CTNNA3: variants seen among roughly 807,000 people sequenced by gnomAD.
The protein encoded by CTNNA3 is catenin alpha-3.
A neutral mutation model predicts 95.7 loss-of-function variants in CTNNA3; 76 were observed. That is an observed-to-expected ratio of 0.79 (90% CI 0.66 to 0.96). CTNNA3 has a LOEUF of 0.96. CTNNA3 is among the 40% of genes least tolerant of loss of function. The pLI, the probability that CTNNA3 is intolerant of heterozygous loss-of-function variation, is 0.00. For synonymous variants in CTNNA3, 431 were observed against 374.4 expected (o/e 1.15, Z -1.74); for missense variants, 1,191 against 1,089.8 (o/e 1.09, Z -1.31).
intron 12 of CTNNA3, among the ~76,000 whole-genome samples, chr10:66,369,935 G>A (rs1182719069): frequency 2.0e-5 from 3 of 151,996 alleles, no homozygotes; most frequent in Non-Finnish European, 2.9e-5. Context: ...CTACATCTGA[G>A]GAATCACATA....
At chr10:67,045,024 A>G (rs1423963254) in intron 7 of CTNNA3, among the ~76,000 whole-genome samples, 1 of 152,210 alleles carries the variant, frequency 6.6e-6, no homozygotes, top group Non-Finnish European at 1.5e-5. Context: ...TAATCCCCCC[A>G]GGTTCCCAAT....
chr10:67,078,673 C>CA (rs1344038844), intron 7 of CTNNA3, among the ~76,000 whole-genome samples: 1 of 152,088 alleles, frequency 6.6e-6, no homozygotes, highest in Non-Finnish European at 1.5e-5. Flanking sequence ...CCCACCACCA[C>CA]ACCTGGCTAA....
chr10:67,479,032 A>C (rs1322748923), intron 5 of CTNNA3, among the ~76,000 whole-genome samples: 1 of 152,178 alleles, frequency 6.6e-6, no homozygotes, highest in East Asian at 1.9e-4. Context: ...ACAACGATAA[A>C]AGGTTTGATT....
chr10:67,116,721 A>AATATATATATATATAT lies in CTNNA3; in HGVS notation c.1047+63580_1047+63595dup, dbSNP rs34041126. On this transcript the variant is annotated intron_variant, in intron 7 of 17. Transcript: ENST00000433211. ...TAACCATCTGGAAGTCAGTTTTGAAAATATATATATATATATATATATAAT... is the reference window on the plus strand; with the variant it reads ...TAACCATCTGGAAGTCAGTTTTGAAAATATATATATATATATATATATATATATATATATATATAAT... Among the ~76,000 whole-genome samples, 171 of 143,492 alleles carry AATATATATATATATAT rather than the reference A, an allele frequency of 1.2e-3. 1 individual carries two copies. Among genetic ancestry groups the AATATATATATATATAT allele is most frequent in the African/African-American group, 4.1e-3 (162 of 39,516 alleles). 94.1% of individuals were successfully genotyped at this position (143,492 alleles called of 152,430 possible). A position where few individuals can be genotyped will look rare whatever the true frequency, so the allele number is the denominator to read the frequency against.
chr10:66,850,729 A>C (rs1186225490), intron 7 of CTNNA3, among the ~76,000 whole-genome samples: 1 of 151,998 alleles, frequency 6.6e-6, no homozygotes, highest in Non-Finnish European at 1.5e-5. Context: ...TAAAAGCTGA[A>C]AATTAAAATC....
chr10:67,013,423 T>C (rs936212283), intron 7 of CTNNA3, among the ~76,000 whole-genome samples: 1 of 152,204 alleles, frequency 6.6e-6, no homozygotes, highest in Non-Finnish European at 1.5e-5. Flanking sequence ...ATTGTTATCA[T>C]TTCCAATAAG....
At chr10:65,947,691 A>T (rs141614294) in intron 17 of CTNNA3, among the ~76,000 whole-genome samples, 98 of 152,354 alleles carry the variant, frequency 6.4e-4, no homozygotes, top group African/African-American at 2.2e-3. Context: ...ACGCAAGTGA[A>T]ATTTAAACTT....
At chr10:66,008,996 A>G (rs1028332971) in intron 15 of CTNNA3, among the ~76,000 whole-genome samples, 2 of 152,054 alleles carry the variant, frequency 1.3e-5, no homozygotes, top group African/African-American at 4.8e-5. Context: ...GCTACTCAGG[A>G]GGCTGAGGCA....
rs150327104 is a variant in CTNNA3, at chr10:66,085,678, C to T, written c.1978-16189G>A. Among the ~76,000 whole-genome samples, 164 of 152,100 alleles carry T rather than the reference C, an allele frequency of 1.1e-3. 1 individual carries two copies. Among genetic ancestry groups the T allele is most frequent in the Middle Eastern group, 6.8e-3 (2 of 294 alleles). On this transcript the variant is annotated intron_variant, in intron 14 of 17. Coordinates refer to ENST00000433211, the MANE Select transcript of CTNNA3 (RefSeq NM_013266.4). ...CTAAGTTTTAAGTGCTAAAAACTGC[C>T]AGATCATTTTTTATATTTATTCTTC...
Position 67,736,744 on chromosome 10 carries a change from C to T in CTNNA3, c.-2+26690G>A, listed in dbSNP as rs367951220. 3.9e-5 allele frequency among the ~76,000 whole-genome samples: 6 copies of T among 152,106 alleles called. No homozygotes were observed. The South Asian group carries it at 1.2e-3, about 32-fold the overall frequency. On this transcript the variant is annotated intron_variant, in intron 1 of 17. Coordinates refer to the CTNNA3 transcript ENST00000684154. ...TGCTGGGATTTGGGAGCCACCACAC[C>T]CGGCCCACATTTTTTAAAAGAACAA... is the stretch of plus-strand genomic sequence containing the variant.
chr10:67,016,023 G>A, intron 7 of CTNNA3, among the ~76,000 whole-genome samples: 1 of 133,754 alleles, frequency 7.5e-6, no homozygotes, highest in South Asian at 2.4e-4. Flanking sequence ...TTTTATTGCT[G>A]TATACTCTCT....
At chr10:66,273,634 G>A (rs1380699444) in intron 13 of CTNNA3, among the ~76,000 whole-genome samples, 1 of 152,118 alleles carries the variant, frequency 6.6e-6, no homozygotes, top group Non-Finnish European at 1.5e-5. Flanking sequence ...TTAATTTTAC[G>A]TGTTGAACAA....
chr10:66,076,467 T>A (rs998970781), intron 14 of CTNNA3, among the ~76,000 whole-genome samples: 1 of 151,660 alleles, frequency 6.6e-6, no homozygotes, highest in African/African-American at 2.4e-5. Flanking sequence ...ATTTAGGAAT[T>A]GGAGTTGGAC....
intron 9 of CTNNA3, among the ~76,000 whole-genome samples, chr10:66,690,348 A>C (rs539591431): frequency 2.0e-5 from 3 of 151,942 alleles, no homozygotes; most frequent in South Asian, 2.1e-4. Flanking sequence ...ATTATACTTT[A>C]AGTTTTAGGG....
At chr10:66,967,522 G>C (rs1849498286) in intron 7 of CTNNA3, among the ~76,000 whole-genome samples, 1 of 151,800 alleles carries the variant, frequency 6.6e-6, no homozygotes. Context: ...AGCAATACAA[G>C]ATTTCAACCA....
chr10:67,636,947 A>G (rs567832119), intron 2 of CTNNA3, among the ~76,000 whole-genome samples: 1 of 152,316 alleles, frequency 6.6e-6, no homozygotes, highest in African/African-American at 2.4e-5. Flanking sequence ...AATTCTAAAA[A>G]TCAGAGCACC....
chr10:67,266,694 G>A (rs1866840227), intron 5 of CTNNA3, among the ~76,000 whole-genome samples: 1 of 152,054 alleles, frequency 6.6e-6, no homozygotes, highest in Non-Finnish European at 1.5e-5. Flanking sequence ...TTTTCAAAGG[G>A]TACAAAGTTT....
intron 14 of CTNNA3, among the ~76,000 whole-genome samples, chr10:66,078,168 A>T (rs1399864518): frequency 6.6e-6 from 1 of 151,888 alleles, no homozygotes; most frequent in South Asian, 2.1e-4. Flanking sequence ...TTTCCTCTCT[A>T]TGTCTACATA....
At chr10:66,707,289 C>A (rs1000287585) in intron 9 of CTNNA3, among the ~76,000 whole-genome samples, 4 of 151,996 alleles carry the variant, frequency 2.6e-5, no homozygotes, top group East Asian at 1.9e-4. Flanking sequence ...CCACTTTGTG[C>A]ACAATGTATA....
Sources: allele counts gnomAD v4.1 joint callset (sites outside exome capture counted in the v4.1 genomes callset), GRCh38; gene constraint gnomAD v4.1.1; transcripts MANE v1.5; gene names NCBI Gene and HGNC (gene_info 2026-07-23, HGNC 2026-07-21).